Variants in ZNF107 observed in about 807,000 individuals in gnomAD.
ZNF107 encodes zinc finger protein 107.
In ZNF107, 19 loss-of-function variants were observed where a neutral mutation model predicts 12.3. That is an observed-to-expected ratio of 1.55 (90% CI 1.08 to 2.27). ZNF107 has a LOEUF of 2.27. Among genes scored for constraint, ZNF107 ranks in the 30% most tolerant of loss-of-function variants. The probability of loss-of-function intolerance (pLI) is 0.00; values close to 1 mark genes in which losing one functional copy is unlikely to be tolerated. For missense variants in ZNF107, 958 were observed against 979.9 expected, an observed-to-expected ratio of 0.98 and a Z score of 0.30; for synonymous variants, 317 against 330.5, an observed-to-expected ratio of 0.96 and a Z score of 0.44.
At position 64,706,832 on chromosome 7, in the gene ZNF107, TA is replaced by T; in HGVS notation, c.736del (p.Arg246GlyfsTer4). ...CCTTTAACCAGTCCTCACAACTTAC[TA>T]GGCATAAGATAATTCATACTGAAGA... ...KAFNQSSQLT[R>X]HKIIHTEEKP... On this transcript the variant is annotated frameshift_variant, in exon 4 of 4. Coordinates refer to ENST00000620827, the MANE Select transcript of ZNF107 (RefSeq NM_001282359.2). LOFTEE classifies it low-confidence loss of function (END_TRUNC). 1 of 1,613,632 alleles carries T rather than the reference TA, an allele frequency of 6.2e-7. No individual in the cohort carries two copies. The highest frequency in any genetic ancestry group is 1.3e-5 in the African/African-American group (1 of 75,036).
At chr7:64,684,771 G>C (rs1301155496) in intron 1 of ZNF107, 9 of 970,804 alleles carry the variant, frequency 9.3e-6, no homozygotes, top group Non-Finnish European at 1.2e-6. Flanking sequence ...TCCCAGATGA[G>C]ACGCCTCTGT....
At chr7:64,698,677 T>A (rs1790373948) in intron 3 of ZNF107, among the ~76,000 whole-genome samples, 1 of 152,162 alleles carries the variant, frequency 6.6e-6, no homozygotes, top group Admixed American at 6.6e-5. Flanking sequence ...CACCTCAGCC[T>A]CCCAAAGTGC....
In ZNF107 at chr7:64,706,563, A is replaced by T; in HGVS notation, c.466A>T (p.Lys156Ter). The T allele has an allele frequency of 6.2e-7, 1 of 1,607,156 alleles. No individual in the cohort carries two copies. Among genetic ancestry groups the T allele is most frequent in the Non-Finnish European group, 8.5e-7 (1 of 1,177,736 alleles). ...QCNKYVKVFD[K>*]FSNSNRYKRR... is the part of the protein sequence containing the mutation. The stretch of plus-strand genomic sequence containing the variant: ...TAATAAATATGTGAAAGTCTTTGAT[A>T]AATTTTCAAATTCAAATAGATATAA... The change falls in exon 4 of 4, where the codon AAA (lysine) becomes TAA (stop). Residue 156 changes from lysine to a stop codon, truncating the protein, a stop_gained. Transcript: ENST00000620827. LOFTEE classifies it low-confidence loss of function (END_TRUNC).
Position 64,706,742 on chromosome 7 carries a change from T to C in ZNF107, c.645T>C (p.Thr215=). The C allele has an allele frequency of 6.2e-7, 1 of 1,612,684 alleles. No individual in the cohort carries two copies. Among genetic ancestry groups the C allele is most frequent in the Non-Finnish European group, 8.5e-7 (1 of 1,179,544 alleles). ...GAAAAGCCTTTAACTGGTTCTCAAC[T>C]CTTACTAAACATAAGAGAATTCATA... ...ECGKAFNWFS[T]LTKHKRIHTG... Residue 215 remains threonine, a synonymous_variant, in exon 4 of 4, where the codon ACT becomes ACC. Coordinates refer to ENST00000620827, the MANE Select transcript of ZNF107 (RefSeq NM_001282359.2).
intron 1 of ZNF107, among the ~76,000 whole-genome samples, chr7:64,674,856 G>A (rs1789361504): frequency 6.6e-6 from 1 of 152,172 alleles, no homozygotes; most frequent in African/African-American, 2.4e-5. Context: ...CATCTATTGC[G>A]ATAATCTTGT....
At chr7:64,691,750 T>C (rs989136899) in intron 2 of ZNF107, 115 bp from the exon 3 acceptor site, 8 of 433,816 alleles carry the variant, frequency 1.8e-5, no homozygotes, top group African/African-American at 1.7e-4. Flanking sequence ...TTTAGAAATA[T>C]ATGTTATAAA....
At chr7:64,699,942 C>CT (rs1465527616) in intron 3 of ZNF107, among the ~76,000 whole-genome samples, 2 of 150,932 alleles carry the variant, frequency 1.3e-5, no homozygotes, top group African/African-American at 4.9e-5. Flanking sequence ...TAGCGGGTGC[C>CT]TGTAGTCCCA....
intron 3 of ZNF107, among the ~76,000 whole-genome samples, chr7:64,697,967 A>AAT (rs1790350626): frequency 6.6e-6 from 1 of 152,184 alleles, no homozygotes; most frequent in Non-Finnish European, 1.5e-5. Flanking sequence ...AGCGTGAGCC[A>AAT]CCGCGCCCGG....
Position 64,681,611 on chromosome 7 carries a change from C to T in ZNF107, c.4-9637C>T, listed in dbSNP as rs1247832295. Among the ~76,000 whole-genome samples the T allele has an allele frequency of 4.6e-5, 7 of 152,078 alleles. No individual in the cohort carries two copies. In the South Asian group the frequency reaches 1.2e-3, roughly 27 times the overall value. On this transcript the variant is annotated intron_variant, in intron 1 of 3. Coordinates refer to ENST00000620827, the MANE Select transcript of ZNF107 (RefSeq NM_001282359.2). ...CTCCCTTGCTACAGATCACTCCCCC[C>T]TTATCATCCCTTTAAGGCCAAACCA...
chr7:64,691,243 T>C lies in ZNF107; in HGVS notation c.4-5T>C. ...GGTAAATGTGTGTGTGTTTGTGTTT[T>C]TCAGGAACCACTGACATTTAAAGAT... On this transcript the variant is annotated splice_polypyrimidine_tract_variant and splice_region_variant and intron_variant, in intron 1 of 3. Coordinates refer to ENST00000620827, the MANE Select transcript of ZNF107 (RefSeq NM_001282359.2). 6.7e-7 allele frequency: 1 copy of C among 1,488,176 alleles called. No homozygotes were observed. Among genetic ancestry groups the C allele is most frequent in the Non-Finnish European group, 8.9e-7 (1 of 1,118,872 alleles). The allele number at this position is 1,488,176 out of a possible 1,614,324, so 92.2% of individuals were successfully genotyped here. A position where few individuals can be genotyped will look rare whatever the true frequency, so the allele number is the denominator to read the frequency against.
In ZNF107 at chr7:64,707,558, A is replaced by G; in HGVS notation, c.1461A>G (p.Gly487=). The G allele has an allele frequency of 6.2e-7, 1 of 1,612,660 alleles. No homozygotes were observed. Among genetic ancestry groups the G allele is most frequent in the Non-Finnish European group, 8.5e-7 (1 of 1,179,470 alleles). ...AACCATACAAATGTGAAGAATGTGGAAAAGCTTTTAATCGATCCTCAACCC... is the reference window on the plus strand; with the variant it reads ...AACCATACAAATGTGAAGAATGTGGGAAAGCTTTTAATCGATCCTCAACCC... ...GEKPYKCEEC[G]KAFNRSSTLT... The change falls in exon 4 of 4, where the codon GGA becomes GGG. Residue 487 remains glycine (G), a synonymous_variant. Coordinates refer to ENST00000620827, the MANE Select transcript of ZNF107 (RefSeq NM_001282359.2).
At chr7:64,687,621 G>A in intron 1 of ZNF107, 1 of 961,896 alleles carries the variant, frequency 1.0e-6, no homozygotes, top group Non-Finnish European at 1.2e-6. Flanking sequence ...TTTTGTCATT[G>A]ATTATAACCA....
chr7:64,709,886 A>G lies in ZNF107; in HGVS notation c.*1230A>G. The G allele has an allele frequency of 2.8e-6, 1 of 360,664 alleles. No individual in the cohort carries two copies. Among genetic ancestry groups the G allele is most frequent in the Non-Finnish European group, 5.3e-6 (1 of 188,110 alleles). The allele number at this position is 360,664 out of a possible 1,614,324, so 22.3% of individuals were successfully genotyped here. ...ACATCTGTAATGCCAGCACTTTGGG[A>G]GGCCAAGGTGGGTGGATCACCTGAG... On this transcript the variant is annotated 3_prime_UTR_variant, in exon 4 of 4. Transcript: ENST00000620827.
intron 2 of ZNF107, 21 bp downstream of exon 2, chr7:64,691,395 C>T (rs1004399674): frequency 1.4e-6 from 2 of 1,419,946 alleles, no homozygotes; most frequent in Non-Finnish European, 1.8e-6. Context: ...CTTCAATACA[C>T]AATTCCCAAA....
intron 1 of ZNF107, chr7:64,686,496 C>T (rs1225328091): frequency 2.0e-6 from 2 of 985,256 alleles, no homozygotes; most frequent in Non-Finnish European, 2.4e-6. Context: ...AAGTCCCGCT[C>T]GAAGAATCCC....
chr7:64,706,211 A>G, intron 3 of ZNF107, 113 bp from the exon 4 acceptor site: 1 of 984,602 alleles, frequency 1.0e-6, no homozygotes, highest in African/African-American at 1.7e-5. Flanking sequence ...AGCCTGTGGT[A>G]TTTTGCTATG....
At chr7:64,699,478 G>A (rs1044130531) in intron 3 of ZNF107, among the ~76,000 whole-genome samples, 3 of 152,122 alleles carry the variant, frequency 2.0e-5, no homozygotes, top group African/African-American at 4.8e-5. Flanking sequence ...AAGTGCAGTG[G>A]TATGATGGCA....
At chr7:64,693,159 C>G (rs1408729638) in intron 3 of ZNF107, among the ~76,000 whole-genome samples, 3 of 141,034 alleles carry the variant, frequency 2.1e-5, no homozygotes, top group Non-Finnish European at 4.6e-5. Context: ...CTACCACACT[C>G]AGCTAATTTT....
At chr7:64,681,252 G>A (rs1000756472) in intron 1 of ZNF107, among the ~76,000 whole-genome samples, 2 of 151,856 alleles carry the variant, frequency 1.3e-5, no homozygotes, top group African/African-American at 4.8e-5. Flanking sequence ...GATCGATATG[G>A]GGGCCACTCA....
Sources: allele counts gnomAD v4.1 joint callset (sites outside exome capture counted in the v4.1 genomes callset), GRCh38; gene constraint gnomAD v4.1.1; transcripts MANE v1.5; gene names NCBI Gene and HGNC (gene_info 2026-07-23, HGNC 2026-07-21).